The following ZNF844 variants were observed in gnomAD, a reference collection of about 807,000 sequenced individuals.
ZNF844 encodes the protein zinc finger protein 844.
A neutral mutation model predicts 11.4 loss-of-function variants in ZNF844; 11 were observed. That is an observed-to-expected ratio of 0.97 (90% CI 0.61 to 1.60). The LOEUF (loss-of-function observed/expected upper bound fraction) is 1.60. Among genes scored for constraint, ZNF844 ranks in the 40% most tolerant of loss-of-function variants. ZNF844 has a pLI of 0.00. For synonymous variants in ZNF844, 248 were observed against 260.3 expected, an observed-to-expected ratio of 0.95 and a Z score of 0.46; for missense variants, 790 against 796.8, an observed-to-expected ratio of 0.99 and a Z score of 0.10.
Position 12,064,737 on chromosome 19 carries a change from T to C in ZNF844, c.-137T>C. 1.1e-6 allele frequency: 1 copy of C among 875,446 alleles called. No individual in the cohort carries two copies. Among genetic ancestry groups the C allele is most frequent in the Non-Finnish European group, 1.7e-6 (1 of 574,856 alleles). 54.2% of individuals were successfully genotyped at this position (875,446 alleles called of 1,614,324 possible). On this transcript the variant is annotated 5_prime_UTR_variant, in exon 1 of 4. Transcript: ENST00000439326. ...TCACATTGCCGTTCGCCTCAGTCTT[T>C]GGCCCCTCCCGCCGGGTGAGGTTGG... is the stretch of plus-strand genomic sequence containing the variant.
chr19:12,069,349 AT>A (rs1303926159), intron 1 of ZNF844, among the ~76,000 whole-genome samples: 3 of 151,058 alleles, frequency 2.0e-5, no homozygotes. Context: ...TGCCCGGCTA[AT>A]TTTTTGTATT....
chr19:12,067,517 G>A (rs992760164), intron 1 of ZNF844, among the ~76,000 whole-genome samples: 1 of 145,894 alleles, frequency 6.9e-6, no homozygotes, highest in South Asian at 2.3e-4. Flanking sequence ...TGAGGCAGGG[G>A]AATTGCTTGC....
rs186452994 is a variant in ZNF844 at position 12,065,234 on chromosome 19, G to T, written c.3+358G>T. 7.0e-3 allele frequency among the ~76,000 whole-genome samples: 1,073 copies of T among 152,228 alleles called. 6 individuals carry two copies. Among genetic ancestry groups the T allele is most frequent in the African/African-American group, 0.025 (1,025 of 41,586 alleles). On this transcript the variant is annotated intron_variant, in intron 1 of 3. Transcript: ENST00000439326. ...CCTTGGGTGTGGGGCTCGTGCGGGA[G>T]GAGCTGCGCTGTGAGGCCCTCAGTG...
In ZNF844 at chr19:12,081,106, A is replaced by G. The variant is rs1975892732; in HGVS notation, c.*3985A>G. The G allele has an allele frequency of 6.6e-6, 1 of 152,230 alleles. No individual in the cohort carries two copies. The highest frequency in any genetic ancestry group is 1.5e-5 in the Non-Finnish European group (1 of 68,028). 9.4% of individuals were successfully genotyped at this position (152,230 alleles called of 1,614,324 possible). The stretch of plus-strand genomic sequence containing the variant: ...TACCAGAGAGCTAATGCAGACTGTC[A>G]TGGGTGAGATTGTTCTCTGATGTTC... On this transcript the variant is annotated 3_prime_UTR_variant, in exon 4 of 4. Coordinates refer to ENST00000439326, the MANE Select transcript of ZNF844 (RefSeq NM_001136501.3).
chr19:12,076,270 G>T lies in ZNF844; in HGVS notation c.1150G>T (p.Glu384Ter), dbSNP rs1303173840. The change falls in exon 4 of 4, where the codon GAA (glutamate) becomes TAA (stop). Residue 384 changes from glutamate to a stop codon, truncating the protein, a stop_gained. Transcript: ENST00000439326. LOFTEE classifies it low-confidence loss of function (END_TRUNC). The stretch of plus-strand genomic sequence containing the variant: ...CCCAGTTCGTTTTGAAGACATGAAA[G>T]AACTCACACTGGAGAGAAACCTTAT... ...ILPVRFEDMK[E>*]LTLERNLMNA... 2 of 1,613,182 alleles carry T rather than the reference G, an allele frequency of 1.2e-6. No individual in the cohort carries two copies. The highest frequency in any genetic ancestry group is 1.1e-5 in the South Asian group (1 of 90,942).
At position 12,080,360 on chromosome 19, in the gene ZNF844, AAAAAAAG is replaced by A; in HGVS notation, c.*3241_*3247del. On this transcript the variant is annotated 3_prime_UTR_variant, in exon 4 of 4. Coordinates refer to ENST00000439326, the MANE Select transcript of ZNF844 (RefSeq NM_001136501.3). ...AGACTCCGTCTCAAAAAAAAAAAAA[AAAAAAAG>A]AGAAGTCTGACAGGACAATAAAATT... 2 of 380,822 alleles carry A rather than the reference AAAAAAAG, an allele frequency of 5.3e-6. No homozygotes were observed. The highest frequency in any genetic ancestry group is 3.5e-5 in the Admixed American group (1 of 28,422). 23.6% of individuals were successfully genotyped at this position (380,822 alleles called of 1,614,324 possible).
At position 12,076,155 on chromosome 19, in the gene ZNF844, ATTATC is replaced by A. The variant is rs372628445; in HGVS notation, c.1044_1048del (p.Tyr348Ter). 24,005 of 1,577,846 alleles carry A rather than the reference ATTATC, an allele frequency of 0.015. 322 individuals carry two copies. Among genetic ancestry groups the A allele is most frequent in the South Asian group, 0.043 (3,755 of 87,676 alleles). ...GTGAATGTAAACAATGTGGGAAAGC[ATTATC>A]TTATCTTAACTTTCAAAGACACATG... is the stretch of plus-strand genomic sequence containing the variant. On this transcript the variant is annotated frameshift_variant, in exon 4 of 4. Transcript: ENST00000439326. LOFTEE classifies it low-confidence loss of function (END_TRUNC).
rs1300295619 is a variant in ZNF844, at chr19:12,077,548, ATGAATGTAAGC to A, written c.*428_*438del. ...AGGACTCACACTGGAGAGAAACCCT[ATGAATGTAAGC>A]AGTGTGGTAAAGCCTTCAGATCTGC... is the stretch of plus-strand genomic sequence containing the variant. On this transcript the variant is annotated 3_prime_UTR_variant, in exon 4 of 4. Transcript: ENST00000439326. The A allele has an allele frequency of 1.3e-5, 8 of 608,598 alleles. No homozygotes were observed. Among genetic ancestry groups the A allele is most frequent in the Non-Finnish European group, 2.2e-5 (7 of 322,332 alleles). 37.7% of individuals were successfully genotyped at this position (608,598 alleles called of 1,614,324 possible). A position where few individuals can be genotyped will look rare whatever the true frequency, so the allele number is the denominator to read the frequency against.
rs80186949 is a variant in ZNF844 at position 12,066,530 on chromosome 19, CTTTT to C, written c.3+1675_3+1678del. ...ATTTAAACTATAACATAAATGTCTT[CTTTT>C]TTTTTTTTTTTTTTTTTTTTGTTGT... On this transcript the variant is annotated intron_variant, in intron 1 of 3. Transcript: ENST00000439326. 4.5e-3 allele frequency among the ~76,000 whole-genome samples: 416 copies of C among 92,322 alleles called. 2 individuals carry two copies. Among genetic ancestry groups the C allele is most frequent in the African/African-American group, 0.018 (389 of 21,756 alleles). The allele number at this position is 92,322 out of a possible 152,430, so 60.6% of individuals were successfully genotyped here.
rs770283171 is a variant in ZNF844, at chr19:12,076,685, T to C, written c.1565T>C (p.Met522Thr). Residue 522 changes from methionine (M) to threonine (T), a missense_variant, in exon 4 of 4, where the codon ATG becomes ACG. Physicochemically the swap from Met to Thr is moderately conservative, Grantham distance 81. Coordinates refer to ENST00000439326, the MANE Select transcript of ZNF844 (RefSeq NM_001136501.3). ...PSHLPHTFKC[M>T]KGLTLESNCM... is the part of the protein sequence containing the mutation. Reference sequence around the variant, plus strand: ...CATCTGCCTCACACCTTCAAATGCATGAAAGGACTCACACTGGAAAGCAAC... The same window carrying C: ...CATCTGCCTCACACCTTCAAATGCACGAAAGGACTCACACTGGAAAGCAAC... 4 of 1,613,948 alleles carry C rather than the reference T, an allele frequency of 2.5e-6. No individual in the cohort carries two copies. Among genetic ancestry groups the C allele is most frequent in the East Asian group, 2.2e-5 (1 of 44,850 alleles).
At position 12,076,559 on chromosome 19, in the gene ZNF844, G is replaced by C; in HGVS notation, c.1439G>C (p.Ser480Thr). The C allele has an allele frequency of 6.2e-7, 1 of 1,606,056 alleles. No individual in the cohort carries two copies. Among genetic ancestry groups the C allele is most frequent in the Non-Finnish European group, 8.5e-7 (1 of 1,177,388 alleles). Residue 480 changes from serine (S) to threonine (T), a missense_variant, in exon 4 of 4, where the codon AGT becomes ACT. This residue lies in a region of ZNF844 where 657 missense variants were observed against 636.2 expected (regional missense o/e 1.03). Transcript: ENST00000439326. Reference sequence around the variant, plus strand: ...AAGAGAAACCCTATGAATGTAAGCAGTGTGGTAAAGCCTTCATTTTTTCCA... The same window carrying C: ...AAGAGAAACCCTATGAATGTAAGCACTGTGGTAAAGCCTTCATTTTTTCCA... ...TLKRNPMNVS[S>T]VVKPSFFPLP...
chr19:12,076,041 G>A lies in ZNF844; in HGVS notation c.921G>A (p.Lys307=), dbSNP rs1203146043. Residue 307 remains lysine, a synonymous_variant, in exon 4 of 4, where the codon AAG becomes AAA. Transcript: ENST00000439326. ...ATGAAAGAACTCACAGTGAGGAGAA[G>A]GCTTATGAATGTACCAAATGTGGGA... The part of the protein sequence containing the change: ...QIHERTHSEE[K]AYECTKCGKA... 5 of 1,566,414 alleles carry A rather than the reference G, an allele frequency of 3.2e-6. No individual in the cohort carries two copies. The highest frequency in any genetic ancestry group is 4.3e-6 in the Non-Finnish European group (5 of 1,155,086).
In ZNF844 at chr19:12,064,762, GCACCC is replaced by G; in HGVS notation, c.-110_-106del. ...TGGCCCCTCCCGCCGGGTGAGGTTG[GCACCC>G]CGTTTTTCCTGCTCTGAGAGGGACC... is the stretch of plus-strand genomic sequence containing the variant. On this transcript the variant is annotated 5_prime_UTR_variant, in exon 1 of 4. Coordinates refer to ENST00000439326, the MANE Select transcript of ZNF844 (RefSeq NM_001136501.3). 8.3e-7 allele frequency: 1 copy of G among 1,201,838 alleles called. No individual in the cohort carries two copies. 74.4% of individuals were successfully genotyped at this position (1,201,838 alleles called of 1,614,324 possible).
At chr19:12,067,943 A>AAGGAAGGAAG (rs1454266359) in intron 1 of ZNF844, among the ~76,000 whole-genome samples, 1 of 79,356 alleles carries the variant, frequency 1.3e-5, no homozygotes, top group Non-Finnish European at 2.2e-5. Context: ...AAAGAAAGAA[A>AAGGAAGGAAG]GAAGGAAAGA....
chr19:12,081,236 A>G lies in ZNF844; in HGVS notation c.*4115A>G, dbSNP rs1975893627. The G allele has an allele frequency of 6.6e-6, 1 of 152,130 alleles. No homozygotes were observed. Among genetic ancestry groups the G allele is most frequent in the African/African-American group, 2.4e-5 (1 of 41,412 alleles). 9.4% of individuals were successfully genotyped at this position (152,130 alleles called of 1,614,324 possible). A position where few individuals can be genotyped will look rare whatever the true frequency, so the allele number is the denominator to read the frequency against. On this transcript the variant is annotated 3_prime_UTR_variant, in exon 4 of 4. Transcript: ENST00000439326. Reference sequence around the variant, plus strand: ...CTTATCTTGTAGCCTCACAGCTACTATGCTTTTGTCCAGTCCAACTAGATA... The same window carrying G: ...CTTATCTTGTAGCCTCACAGCTACTGTGCTTTTGTCCAGTCCAACTAGATA...
At position 12,077,216 on chromosome 19, in the gene ZNF844, GT is replaced by G. The variant is rs1415593772; in HGVS notation, c.*96del. 6.3e-7 allele frequency: 1 copy of G among 1,575,942 alleles called. No homozygotes were observed. Among genetic ancestry groups the G allele is most frequent in the Non-Finnish European group, 8.7e-7 (1 of 1,151,268 alleles). ...TTCACACTGGAGAGAAACCCTATGAGTGTAAGCAGTGTGGTAAAGCCTTCAT... is the reference window on the plus strand; with the variant it reads ...TTCACACTGGAGAGAAACCCTATGAGGTAAGCAGTGTGGTAAAGCCTTCAT... On this transcript the variant is annotated 3_prime_UTR_variant, in exon 4 of 4. Transcript: ENST00000439326.
At chr19:12,066,443 C>T (rs751753068) in intron 1 of ZNF844, among the ~76,000 whole-genome samples, 2 of 151,788 alleles carry the variant, frequency 1.3e-5, no homozygotes, top group African/African-American at 4.8e-5. Flanking sequence ...CTGTTCCCCC[C>T]GCCCCGACTC....
At chr19:12,064,919 G>A (rs1227870770) in intron 1 of ZNF844, 43 bp downstream of exon 1, 7 of 1,547,298 alleles carry the variant, frequency 4.5e-6, no homozygotes, top group Non-Finnish European at 6.1e-6. Flanking sequence ...CTTGGGGGAG[G>A]GTAGGCGGAG....
Position 12,076,858 on chromosome 19 carries a change from A to G in ZNF844, c.1738A>G (p.Thr580Ala). Reference sequence around the variant, plus strand: ...TCCTTTCAAATACATGCAACAATGCACAGAGGACAGAATGCCTATGAATGT... The same window carrying G: ...TCCTTTCAAATACATGCAACAATGCGCAGAGGACAGAATGCCTATGAATGT... The part of the protein sequence containing the change: ...SLPFKYMQQC[T>A]EDRMPMNVKS... The change falls in exon 4 of 4, where the codon ACA becomes GCA. Residue 580 changes from threonine to alanine, a missense_variant. Transcript: ENST00000439326. The G allele has an allele frequency of 1.3e-6, 2 of 1,563,572 alleles. No individual in the cohort carries two copies. Among genetic ancestry groups the G allele is most frequent in the Non-Finnish European group, 1.7e-6 (2 of 1,153,642 alleles).
Sources: gnomAD v4.1 joint callset for allele counts (sites outside exome capture counted in the v4.1 genomes callset) on GRCh38, gnomAD v4.1.1 for gene constraint, gnomAD v4.1.1 regional missense constraint, MANE v1.5 for transcripts, NCBI Gene and HGNC (gene_info 2026-07-23, HGNC 2026-07-21) for gene names.